PCDHA6: variants seen among roughly 807,000 people sequenced by gnomAD.
PCDHA6 encodes protocadherin alpha 6.
PCDHA6 carries 55 observed loss-of-function variants against 60.3 expected under a neutral mutation model. The observed-to-expected ratio is 0.91, with a 90% confidence interval of 0.73 to 1.14. The LOEUF is 1.14. PCDHA6 is among the 50% of genes most tolerant of loss of function. PCDHA6 has a pLI of 0.00. For missense variants in PCDHA6, 1,327 were observed against 1,256.5 expected, an observed-to-expected ratio of 1.06 and a Z score of -0.85; for synonymous variants, 652 against 557.9, an observed-to-expected ratio of 1.17 and a Z score of -2.38.
At position 140,993,501 on chromosome 5, in the gene PCDHA6, C is replaced by CACACAT. The variant is rs1554253793; in HGVS notation, c.2542+10943_2542+10944insTACACA. Reference sequence around the variant, plus strand: ...ACACACACACACACACACACACACACACACACACGGGGAGAGAGAGACAGA... The same window carrying CACACAT: ...ACACACACACACACACACACACACACACACATACACACACGGGGAGAGAGAGACAGA... On this transcript the variant is annotated intron_variant, in intron 3 of 3. Coordinates refer to ENST00000529310, the MANE Select transcript of PCDHA6 (RefSeq NM_018909.4). Among the ~76,000 whole-genome samples the CACACAT allele has an allele frequency of 3.4e-5, 5 of 148,992 alleles. No homozygotes were observed. The East Asian group carries it at 7.8e-4, about 23-fold the overall frequency.
In PCDHA6 at chr5:140,947,881, A is replaced by G. The variant is rs191017624; in HGVS notation, c.2395-31068A>G. On this transcript the variant is annotated intron_variant, in intron 1 of 3. Transcript: ENST00000529310. ...TATAATGGCTAGGACTTCCAGGACA[A>G]TATAAACAGAAGTGGTGAGAGCAGA... 2.7e-3 allele frequency among the ~76,000 whole-genome samples: 417 copies of G among 151,684 alleles called. 2 individuals carry two copies. Among genetic ancestry groups the G allele is most frequent in the Middle Eastern group, 0.014 (4 of 294 alleles).
chr5:140,971,386 G>A (rs1413710321), intron 1 of PCDHA6, among the ~76,000 whole-genome samples: 1 of 152,140 alleles, frequency 6.6e-6, no homozygotes, highest in East Asian at 1.9e-4. Flanking sequence ...CTTTAATAAA[G>A]GCAAATTTCT....
intron 1 of PCDHA6, among the ~76,000 whole-genome samples, chr5:140,840,557 C>A (rs1199062901): frequency 2.6e-5 from 4 of 151,962 alleles, no homozygotes; most frequent in Non-Finnish European, 5.9e-5. Context: ...GGCAATACTG[C>A]TAGAGTTTGG....
At chr5:140,976,424 G>A (rs2096715736) in intron 1 of PCDHA6, among the ~76,000 whole-genome samples, 1 of 152,114 alleles carries the variant, frequency 6.6e-6, no homozygotes, top group Non-Finnish European at 1.5e-5. Flanking sequence ...GGTGGCAGAT[G>A]CCTGTAATCC....
chr5:140,842,657 G>A lies in PCDHA6; in HGVS notation c.2394+12172G>A, dbSNP rs2150341261. 6 of 1,595,442 alleles carry A rather than the reference G, an allele frequency of 3.8e-6. No individual in the cohort carries two copies. In the Admixed American group the frequency reaches 5.1e-5, roughly 13 times the overall value. ...CACCGCCAGCTTGTCTGTGGAGGTG[G>A]CCGACGTGAACGACAATGCTCCGGC... On this transcript the variant is annotated intron_variant, in intron 1 of 3. Transcript: ENST00000529310.
At chr5:141,004,705 C>T (rs535016776) in intron 3 of PCDHA6, among the ~76,000 whole-genome samples, 5 of 152,154 alleles carry the variant, frequency 3.3e-5, no homozygotes, top group Admixed American at 6.5e-5. Context: ...TTTTAGGTGC[C>T]GAATCAGAGG....
At position 141,009,759 on chromosome 5, in the gene PCDHA6, G is replaced by T. The variant is rs200822345; in HGVS notation, c.2675G>T (p.Gly892Val). The change falls in exon 4 of 4, where the codon GGA becomes GTA. Residue 892 changes from glycine to valine, a missense_variant. By Grantham distance (109) the Gly-to-Val change is moderately radical. Transcript: ENST00000529310. ...GELPDKFIIP[G>V]SPAIISIRQE... ...TTGCCCGACAAATTCATTATCCCAG[G>T]ATCTCCTGCAATCATCTCCATCCGG... The T allele has an allele frequency of 6.7e-5, 108 of 1,614,082 alleles. 1 individual carries two copies. The East Asian group carries it at 2.2e-3, about 33-fold the overall frequency.
intron 1 of PCDHA6, among the ~76,000 whole-genome samples, chr5:140,873,282 T>C (rs961755772): frequency 2.6e-4 from 39 of 152,330 alleles, no homozygotes; most frequent in African/African-American, 8.7e-4. Context: ...TCATACCACT[T>C]ATGAAACTTT....
At position 140,829,573 on chromosome 5, in the gene PCDHA6, G is replaced by T. The variant is rs149144253; in HGVS notation, c.1482G>T (p.Leu494=). The T allele has an allele frequency of 5.4e-4, 868 of 1,612,504 alleles. 2 individuals carry two copies. The highest frequency in any genetic ancestry group is 3.7e-3 in the African/African-American group (279 of 75,014). ...AQENALVSYS[L]VERRVGERAL... The stretch of plus-strand genomic sequence containing the variant: ...AGAACGCGCTGGTGTCCTACTCGCT[G>T]GTGGAGCGGCGGGTGGGCGAGCGCG... The change falls in exon 1 of 4, where the codon CTG becomes CTT. Residue 494 remains leucine (L), a synonymous_variant. Coordinates refer to ENST00000529310, the MANE Select transcript of PCDHA6 (RefSeq NM_018909.4).
intron 1 of PCDHA6, among the ~76,000 whole-genome samples, chr5:140,974,524 T>C (rs976398044): frequency 5.9e-5 from 9 of 152,210 alleles, no homozygotes; most frequent in African/African-American, 9.7e-5. Flanking sequence ...TATTTTAGTT[T>C]TTTTGAGACG....
At chr5:140,834,180 C>G in intron 1 of PCDHA6, 1 of 562,966 alleles carries the variant, frequency 1.8e-6, no homozygotes, top group Non-Finnish European at 3.1e-6. Context: ...ATGATGGCCA[C>G]ATGATGTCGC....
Position 140,864,265 on chromosome 5 carries a change from TC to T in PCDHA6, c.2394+33782del, listed in dbSNP as rs534238956. On this transcript the variant is annotated intron_variant, in intron 1 of 3. Coordinates refer to ENST00000529310, the MANE Select transcript of PCDHA6 (RefSeq NM_018909.4). ...ATTCATTTTCTTATTCTGATTTGTG[TC>T]CTCCATTCCTTATTGTTTTTATGTA... 9 of 152,340 alleles carry T rather than the reference TC, an allele frequency of 5.9e-5. No individual in the cohort carries two copies. In the East Asian group the frequency reaches 1.3e-3, roughly 23 times the overall value. The allele number at this position is 152,340 out of a possible 1,614,324, so 9.4% of individuals were successfully genotyped here.
intron 1 of PCDHA6, chr5:140,858,792 T>C (rs1554152021): frequency 2.6e-6 from 1 of 385,722 alleles, no homozygotes; most frequent in Admixed American, 4.5e-5. Context: ...GTTATTTCAT[T>C]TCCAATCTAA....
chr5:140,915,918 T>A (rs1295505621), intron 1 of PCDHA6, among the ~76,000 whole-genome samples: 1 of 152,188 alleles, frequency 6.6e-6, no homozygotes, highest in Admixed American at 6.5e-5. Flanking sequence ...CCAGAGATGC[T>A]ACTTGGGAGT....
rs79247475 is a variant in PCDHA6 at position 140,982,540 on chromosome 5, C to G, written c.2519C>G (p.Pro840Arg). The G allele has an allele frequency of 4.3e-3, 6,927 of 1,614,122 alleles. 34 individuals are homozygous for G. The highest frequency in any genetic ancestry group is 5.0e-3 in the South Asian group (455 of 91,080). Residue 840 changes from proline to arginine, a missense_variant, in exon 3 of 4, where the codon CCA becomes CGA. Physicochemically the swap from Pro to Arg is moderately radical, Grantham distance 103. Transcript: ENST00000529310. ...AGPGGPDQQW[P>R]TVSSATPEPE... ...CCAGGAGGGCCTGATCAGCAGTGGC[C>G]AACAGTATCCAGTGCAACACCAGGT...
At chr5:140,965,143 G>A (rs1451263269) in intron 1 of PCDHA6, among the ~76,000 whole-genome samples, 1 of 152,230 alleles carries the variant, frequency 6.6e-6, no homozygotes, top group Admixed American at 6.5e-5. Context: ...AGAATACTGG[G>A]AGATGAAGAG....
chr5:140,898,148 A>C lies in PCDHA6; in HGVS notation c.2394+67663A>C, dbSNP rs532668918. On this transcript the variant is annotated intron_variant, in intron 1 of 3. Coordinates refer to ENST00000529310, the MANE Select transcript of PCDHA6 (RefSeq NM_018909.4). ...CTCCCATTTTGTAGGTTGCCTGTTC[A>C]CGCTGATGGTGGTTTCTTTTGCTGT... Among the ~76,000 whole-genome samples, 1,044 of 152,230 alleles carry C rather than the reference A, an allele frequency of 6.9e-3. 8 individuals are homozygous for C. The highest frequency in any genetic ancestry group is 0.024 in the African/African-American group (1,010 of 41,492).
intron 1 of PCDHA6, chr5:140,841,803 A>C (rs1311079057): frequency 6.2e-7 from 1 of 1,613,804 alleles, no homozygotes; most frequent in African/African-American, 1.3e-5. Flanking sequence ...TCCGATGCAG[A>C]TGTTGGAGCT....
intron 1 of PCDHA6, chr5:140,968,519 A>G (rs1030847582): frequency 1.2e-6 from 2 of 1,614,008 alleles, no homozygotes; most frequent in South Asian, 1.1e-5. Flanking sequence ...CCCTACCTCA[A>G]CCAACTCGTC....
Sources: allele counts gnomAD v4.1 joint callset (sites outside exome capture counted in the v4.1 genomes callset), GRCh38; gene constraint gnomAD v4.1.1; transcripts MANE v1.5; gene names NCBI Gene and HGNC (gene_info 2026-07-23, HGNC 2026-07-21).